The following KCNH1 variants were observed in gnomAD, a reference collection of about 807,000 sequenced individuals.
The protein encoded by KCNH1 is voltage-gated delayed rectifier potassium channel KCNH1.
Under a neutral mutation model 69.2 loss-of-function variants are expected in KCNH1, and 27 were observed. The ratio of observed to expected loss-of-function variants is 0.39; its 90% confidence interval spans 0.29 to 0.54. The LOEUF is 0.54. KCNH1 is among the 20% of genes least tolerant of loss of function. The probability of loss-of-function intolerance (pLI) is 0.68; values close to 1 mark genes in which losing one functional copy is unlikely to be tolerated. For synonymous variants in KCNH1, 456 were observed against 487.7 expected, an observed-to-expected ratio of 0.93 and a Z score of 0.86; for missense variants, 798 against 1,261.6, an observed-to-expected ratio of 0.63 and a Z score of 5.57.
At chr1:210,825,523 A>C (rs1685016094) in intron 7 of KCNH1, among the ~76,000 whole-genome samples, 1 of 152,188 alleles carries the variant, frequency 6.6e-6, no homozygotes, top group African/African-American at 2.4e-5. Context: ...TATCAGTGTA[A>C]ATATCAATGC....
chr1:210,838,571 G>T (rs1451430068), intron 7 of KCNH1, among the ~76,000 whole-genome samples: 2 of 152,004 alleles, frequency 1.3e-5, no homozygotes, highest in Admixed American at 1.3e-4. Flanking sequence ...GACAAATGGG[G>T]TCTAATTAAA....
intron 10 of KCNH1, among the ~76,000 whole-genome samples, chr1:210,699,121 C>T (rs1435361385): frequency 6.6e-6 from 1 of 152,122 alleles, no homozygotes; most frequent in Non-Finnish European, 1.5e-5. Flanking sequence ...ATTCTGGTAC[C>T]CACTGTAAAG....
At chr1:211,007,606 A>G (rs1689308997) in intron 6 of KCNH1, among the ~76,000 whole-genome samples, 1 of 152,002 alleles carries the variant, frequency 6.6e-6, no homozygotes, top group African/African-American at 2.4e-5. Context: ...GCCTCCTACA[A>G]TTCTCCTAAT....
At chr1:210,868,820 G>C (rs61848966) in intron 7 of KCNH1, among the ~76,000 whole-genome samples, 1 of 151,812 alleles carries the variant, frequency 6.6e-6, no homozygotes, top group Non-Finnish European at 1.5e-5. Flanking sequence ...GAATCATAAA[G>C]TATATAACCT....
At chr1:211,001,005 C>A (rs868638302) in intron 6 of KCNH1, among the ~76,000 whole-genome samples, 1,823 of 149,894 alleles carry the variant, frequency 0.012, 42 homozygotes, top group Admixed American at 0.041. Flanking sequence ...CTTATATGAA[C>A]ATTAATTCAA....
chr1:210,900,840 T>A (rs948736911), intron 7 of KCNH1, among the ~76,000 whole-genome samples: 8 of 152,114 alleles, frequency 5.3e-5, no homozygotes, highest in Non-Finnish European at 1.0e-4. Context: ...CTTCCCATCC[T>A]CCTTCTCCTC....
At chr1:210,827,610 G>C (rs2102434752) in intron 7 of KCNH1, among the ~76,000 whole-genome samples, 1 of 152,238 alleles carries the variant, frequency 6.6e-6, no homozygotes, top group East Asian at 1.9e-4. Flanking sequence ...CACTGAAATA[G>C]GCAGAGGAAG....
intron 10 of KCNH1, among the ~76,000 whole-genome samples, chr1:210,746,651 G>A (rs532955355): frequency 6.6e-5 from 10 of 151,980 alleles, no homozygotes; most frequent in Admixed American, 2.0e-4. Context: ...GGGTTCAAGC[G>A]ATTATCCTGC....
At chr1:210,831,947 C>G (rs775745273) in intron 7 of KCNH1, among the ~76,000 whole-genome samples, 3 of 151,508 alleles carry the variant, frequency 2.0e-5, no homozygotes, top group Non-Finnish European at 4.4e-5. Flanking sequence ...TTGAAATGTG[C>G]TGGTACAACT....
rs537694522 is a variant in KCNH1 at position 210,794,350 on chromosome 1, C to G, written c.1915+3158G>C. Reference sequence around the variant, plus strand: ...GGCTCCTAGAGACAAAGTGGAGAAGCTTTTTCTAGTGTAGACAGCTTGAAG... The same window carrying G: ...GGCTCCTAGAGACAAAGTGGAGAAGGTTTTTCTAGTGTAGACAGCTTGAAG... On this transcript the variant is annotated intron_variant, in intron 9 of 10. Transcript: ENST00000271751. 7.9e-5 allele frequency among the ~76,000 whole-genome samples: 12 copies of G among 152,282 alleles called. 1 individual carries two copies. In the South Asian group the frequency reaches 1.7e-3, roughly 21 times the overall value.
chr1:210,805,111 T>C (rs112423769), intron 7 of KCNH1, among the ~76,000 whole-genome samples: 2,910 of 152,344 alleles, frequency 0.019, 86 homozygotes, highest in African/African-American at 0.067. Flanking sequence ...GACATATTTC[T>C]ATAGAACTCA....
intron 10 of KCNH1, among the ~76,000 whole-genome samples, chr1:210,747,812 T>A (rs752033671): frequency 2.3e-4 from 35 of 152,188 alleles, no homozygotes; most frequent in Non-Finnish European, 4.6e-4. Flanking sequence ...CTAGTTTATA[T>A]TGATGAAACT....
intron 6 of KCNH1, among the ~76,000 whole-genome samples, chr1:211,014,392 T>A (rs533422782): frequency 6.6e-5 from 10 of 152,328 alleles, no homozygotes; most frequent in African/African-American, 2.4e-4. Flanking sequence ...TGCAAACATA[T>A]TCTCAAACGG....
intron 5 of KCNH1, among the ~76,000 whole-genome samples, chr1:211,042,287 T>A (rs963265000): frequency 6.6e-6 from 1 of 152,224 alleles, no homozygotes; most frequent in African/African-American, 2.4e-5. Flanking sequence ...TCAGGAATTG[T>A]AATACATCTA....
intron 10 of KCNH1, among the ~76,000 whole-genome samples, chr1:210,772,107 T>C (rs1414707495): frequency 1.3e-5 from 2 of 152,212 alleles, no homozygotes; most frequent in African/African-American, 4.8e-5. Context: ...GGCCAAGGTG[T>C]CACTTCTGGC....
chr1:210,707,921 C>CT (rs1170170506), intron 10 of KCNH1, among the ~76,000 whole-genome samples: 2 of 152,150 alleles, frequency 1.3e-5, no homozygotes, highest in Admixed American at 1.3e-4. Flanking sequence ...ATGAGGTCTT[C>CT]TTTTTTGTCT....
intron 5 of KCNH1, among the ~76,000 whole-genome samples, chr1:211,046,382 C>T (rs1004164828): frequency 4.6e-5 from 7 of 152,164 alleles, no homozygotes; most frequent in East Asian, 1.9e-4. Flanking sequence ...TCCATGTAGA[C>T]CATGTAATAG....
At chr1:210,684,208 C>A in intron 10 of KCNH1, 70 bp from the exon 11 acceptor site, 2 of 1,439,086 alleles carry the variant, frequency 1.4e-6, no homozygotes, top group Non-Finnish European at 1.8e-6. Flanking sequence ...CCAGCTCAGC[C>A]CTTCTGCCTA....
At chr1:210,916,702 C>G (rs1687338945) in intron 7 of KCNH1, among the ~76,000 whole-genome samples, 1 of 152,124 alleles carries the variant, frequency 6.6e-6, no homozygotes, top group Non-Finnish European at 1.5e-5. Context: ...ATACCATTGT[C>G]ATGAGCAGAA....
Sources: allele counts gnomAD v4.1 joint callset (sites outside exome capture counted in the v4.1 genomes callset), GRCh38; gene constraint gnomAD v4.1.1; transcripts MANE v1.5; gene names NCBI Gene and HGNC (gene_info 2026-07-23, HGNC 2026-07-21).